The following DYNC2H1 variants were observed in gnomAD, a reference collection of about 807,000 sequenced individuals.
DYNC2H1 encodes cytoplasmic dynein 2 heavy chain 1.
DYNC2H1 carries 410 observed loss-of-function variants against 570.0 expected under a neutral mutation model. The ratio of observed to expected loss-of-function variants is 0.72; its 90% CI spans 0.66 to 0.78. The LOEUF (loss-of-function observed/expected upper bound fraction) is 0.78. Among genes scored for constraint, DYNC2H1 ranks in the 30% least tolerant of loss-of-function variants. The pLI is 0.00. For missense variants in DYNC2H1, 4,865 were observed against 5,046.4 expected (o/e 0.96, Z 1.09); for synonymous variants, 1,688 against 1,677.6 (o/e 1.01, Z -0.15).
intron 88 of DYNC2H1, among the ~76,000 whole-genome samples, chr11:103,478,719 CAG>C (rs1945647025): frequency 6.6e-6 from 1 of 152,104 alleles, no homozygotes; most frequent in Non-Finnish European, 1.5e-5. Context: ...ATGATTCTAA[CAG>C]AAAAACTCTT....
rs1287442798 is a variant in DYNC2H1 at position 103,133,947 on chromosome 11, T to G, written c.2106+240T>G. Reference sequence around the variant, plus strand: ...ATTTTACAATTTTCCACTAACATTCTTTTTTTTTTCCAGGATACAATCTAG... The same window carrying G: ...ATTTTACAATTTTCCACTAACATTCGTTTTTTTTTCCAGGATACAATCTAG... On this transcript the variant is annotated intron_variant, in intron 14 of 88. Transcript: ENST00000375735. The surrounding 1 kb of genome is among the most constrained non-coding windows in gnomAD (Gnocchi z 4.8). Among the ~76,000 whole-genome samples the G allele has an allele frequency of 6.7e-6, 1 of 149,862 alleles. No homozygotes were observed. The highest frequency in any genetic ancestry group is 6.7e-5 in the Admixed American group (1 of 14,972).
chr11:103,436,195 CTA>C (rs1189967572), intron 85 of DYNC2H1, among the ~76,000 whole-genome samples, 163 bp downstream of exon 85: 5 of 85,560 alleles, frequency 5.8e-5, no homozygotes, highest in Admixed American at 2.3e-4. Flanking sequence ...TAGCACTGTT[CTA>C]TTTTTTTTTT....
At chr11:103,158,523 G>A (rs568692380) in intron 26 of DYNC2H1, among the ~76,000 whole-genome samples, 154 bp from the exon 27 acceptor site, 57 of 152,096 alleles carry the variant, frequency 3.7e-4, no homozygotes, top group Non-Finnish European at 6.9e-4. Context: ...AAATGATAGT[G>A]TGATATTAAT....
intron 87 of DYNC2H1, among the ~76,000 whole-genome samples, chr11:103,460,821 G>C (rs1003271217): frequency 6.6e-6 from 1 of 151,696 alleles, no homozygotes; most frequent in Non-Finnish European, 1.5e-5. Flanking sequence ...ATAAAGTTCT[G>C]TATATCCAGT....
intron 47 of DYNC2H1, 59 bp from the exon 48 acceptor site, chr11:103,197,874 T>G (rs1862562562): frequency 2.0e-6 from 3 of 1,511,134 alleles, no homozygotes; most frequent in Non-Finnish European, 8.9e-7. Context: ...GGCAATGTAT[T>G]TGTTGAACTC....
intron 84 of DYNC2H1, among the ~76,000 whole-genome samples, chr11:103,429,343 CAT>C (rs1222704784): frequency 6.6e-6 from 1 of 151,978 alleles, no homozygotes; most frequent in Non-Finnish European, 1.5e-5. Flanking sequence ...GAAGGGAAAA[CAT>C]AAAATAGATT....
chr11:103,115,417 A>G (rs1858336941), intron 4 of DYNC2H1, 122 bp downstream of exon 4: 2 of 571,694 alleles, frequency 3.5e-6, no homozygotes, highest in African/African-American at 1.9e-5. Flanking sequence ...TAGATTCTTT[A>G]TATGGAGAAA....
At chr11:103,458,218 T>C (rs1944863986) in intron 87 of DYNC2H1, among the ~76,000 whole-genome samples, 1 of 152,208 alleles carries the variant, frequency 6.6e-6, no homozygotes, top group East Asian at 1.9e-4. Flanking sequence ...ATATTTTCTA[T>C]GCATAGATAC....
Position 103,188,641 on chromosome 11 carries a change from T to A in DYNC2H1, c.7285T>A (p.Ser2429Thr). 1 of 1,599,820 alleles carries A rather than the reference T, an allele frequency of 6.3e-7. No homozygotes were observed. Among genetic ancestry groups the A allele is most frequent in the Non-Finnish European group, 8.5e-7 (1 of 1,172,016 alleles). ...ATTTACTTCCATCGTTCGTCTTTGTTCTATAGAGTATGTATCTTTGTGTTT... is the reference window on the plus strand; with the variant it reads ...ATTTACTTCCATCGTTCGTCTTTGTACTATAGAGTATGTATCTTTGTGTTT... ...TRFTSIVRLC[S>T]IDYPEREQLQ... Residue 2429 changes from serine to threonine, a missense_variant, in exon 44 of 89, where the codon TCT becomes ACT. This residue lies in a region of DYNC2H1 where 2,401 missense variants were observed against 2,454.6 expected (regional missense o/e 0.98). Transcript: ENST00000375735.
At chr11:103,143,987 T>G (rs1271843042) in intron 18 of DYNC2H1, among the ~76,000 whole-genome samples, 2 of 152,250 alleles carry the variant, frequency 1.3e-5, no homozygotes, top group Non-Finnish European at 2.9e-5. Context: ...CTTTTATTAA[T>G]TTATGTTTTC....
chr11:103,447,460 C>T (rs567077222), intron 85 of DYNC2H1, among the ~76,000 whole-genome samples: 85 of 152,210 alleles, frequency 5.6e-4, no homozygotes, highest in African/African-American at 1.7e-3. Context: ...CTTTTCAGTA[C>T]GCTACACAAT....
intron 83 of DYNC2H1, among the ~76,000 whole-genome samples, chr11:103,385,415 T>C (rs1013184256): frequency 6.6e-6 from 1 of 151,238 alleles, no homozygotes; most frequent in Non-Finnish European, 1.5e-5. Context: ...TCTGGTTCAC[T>C]GTTTTTTTTC....
chr11:103,404,319 A>G (rs545809254), intron 84 of DYNC2H1: 1 of 151,594 alleles, frequency 6.6e-6, no homozygotes, highest in Non-Finnish European at 1.5e-5. Flanking sequence ...TTAGGTTTTC[A>G]TGCAGGTTGG....
chr11:103,197,325 G>T (rs1236139373), intron 47 of DYNC2H1, among the ~76,000 whole-genome samples: 1 of 152,104 alleles, frequency 6.6e-6, no homozygotes, highest in African/African-American at 2.4e-5. Flanking sequence ...GTGGGAGAAA[G>T]GTAGAAGGAA....
Position 103,203,002 on chromosome 11 carries a change from C to T in DYNC2H1, c.8198-661C>T, listed in dbSNP as rs1409339311. On this transcript the variant is annotated intron_variant, in intron 50 of 88. Coordinates refer to ENST00000375735, the MANE Select transcript of DYNC2H1 (RefSeq NM_001377.3). This position sits in a 1 kb window ranked among gnomAD's most constrained non-coding sequence, Gnocchi z 4.7. ...GGACCAGTTCTTCTGATTTCTAGTACAAGTTCATCTTTTCATTCATTCATT... is the reference window on the plus strand; with the variant it reads ...GGACCAGTTCTTCTGATTTCTAGTATAAGTTCATCTTTTCATTCATTCATT... Among the ~76,000 whole-genome samples, 1 of 152,082 alleles carries T rather than the reference C, an allele frequency of 6.6e-6. No homozygotes were observed. Among genetic ancestry groups the T allele is most frequent in the African/African-American group, 2.4e-5 (1 of 41,420 alleles).
At chr11:103,384,006 A>G (rs530190312) in intron 83 of DYNC2H1, among the ~76,000 whole-genome samples, 2 of 152,334 alleles carry the variant, frequency 1.3e-5, no homozygotes, top group Admixed American at 6.5e-5. Context: ...ACTAGAGAAT[A>G]TGGTCTTATG....
intron 85 of DYNC2H1, among the ~76,000 whole-genome samples, chr11:103,453,373 T>C (rs1455590273): frequency 1.3e-5 from 2 of 151,992 alleles, no homozygotes; most frequent in African/African-American, 4.8e-5. Flanking sequence ...GAAAAAAATA[T>C]GCTTATCGTT....
intron 65 of DYNC2H1, among the ~76,000 whole-genome samples, chr11:103,250,516 C>T (rs1215549349): frequency 1.3e-5 from 2 of 151,984 alleles, no homozygotes; most frequent in African/African-American, 2.4e-5. Flanking sequence ...TTTTGGAATC[C>T]CACTATCTAA....
rs1156914572 is a variant in DYNC2H1 at position 103,133,256 on chromosome 11, TC to T, written c.1954-298del. Among the ~76,000 whole-genome samples the T allele has an allele frequency of 1.3e-5, 2 of 152,124 alleles. No homozygotes were observed. Among genetic ancestry groups the T allele is most frequent in the Non-Finnish European group, 2.9e-5 (2 of 68,020 alleles). The stretch of plus-strand genomic sequence containing the variant: ...GAGATAATAAGGAAACCCAGGTTTG[TC>T]GTGCCTTAATTCCTCAGGTTTCTAG... On this transcript the variant is annotated intron_variant, in intron 13 of 88. Coordinates refer to ENST00000375735, the MANE Select transcript of DYNC2H1 (RefSeq NM_001377.3). The surrounding 1 kb of genome is among the most constrained non-coding windows in gnomAD (Gnocchi z 4.8).
Sources: gnomAD v4.1 joint callset for allele counts (sites outside exome capture counted in the v4.1 genomes callset) on GRCh38, gnomAD v4.1.1 for gene constraint, gnomAD v4.1.1 regional missense constraint, Gnocchi (gnomAD v3.1) non-coding constraint, MANE v1.5 for transcripts, NCBI Gene and HGNC (gene_info 2026-07-23, HGNC 2026-07-21) for gene names.